The following R3HDM1 variants were observed in gnomAD, a reference collection of about 807,000 sequenced individuals.
R3HDM1 encodes R3H domain-containing protein 1.
A neutral mutation model predicts 141.1 loss-of-function variants in R3HDM1; 46 were observed. The ratio of observed to expected loss-of-function variants is 0.33; its 90% confidence interval spans 0.26 to 0.42. The LOEUF is 0.42. Ranked by LOEUF, R3HDM1 falls within the 10% of genes least tolerant of loss-of-function variation. R3HDM1 has a pLI of 1.00. For synonymous variants in R3HDM1, 435 were observed against 472.9 expected, an observed-to-expected ratio of 0.92 and a Z score of 1.04; for missense variants, 1,184 against 1,368.3, an observed-to-expected ratio of 0.87 and a Z score of 2.12.
At chr2:135,692,032 A>G (rs1458615131) in intron 21 of R3HDM1, among the ~76,000 whole-genome samples, 1 of 151,396 alleles carries the variant, frequency 6.6e-6, no homozygotes, top group Non-Finnish European at 1.5e-5. Context: ...CCTGCCTCAG[A>G]CTCCCAAGTA....
Position 135,531,505 on chromosome 2 carries a change from G to C in R3HDM1, c.-378G>C. The C allele has an allele frequency of 1.0e-6, 1 of 985,746 alleles. No individual in the cohort carries two copies. Among genetic ancestry groups the C allele is most frequent in the Non-Finnish European group, 1.2e-6 (1 of 829,956 alleles). 61.1% of individuals were successfully genotyped at this position (985,746 alleles called of 1,614,324 possible). ...CGGGATTCTGCCAGCCGCGGCTGCC[G>C]CTGGAGCCGGTGTCCGGGCTGGTGA... is the stretch of plus-strand genomic sequence containing the variant. On this transcript the variant is annotated 5_prime_UTR_variant, in exon 1 of 27. Transcript: ENST00000683871.
At chr2:135,586,870 C>T (rs1051101297) in intron 1 of R3HDM1, 2 of 985,234 alleles carry the variant, frequency 2.0e-6, no homozygotes, top group East Asian at 2.3e-4. Context: ...TCAAGTTCAT[C>T]TTAAAATAGA....
At chr2:135,650,920 A>G (rs1023002694) in intron 17 of R3HDM1, 14 of 985,266 alleles carry the variant, frequency 1.4e-5, no homozygotes, top group Non-Finnish European at 1.7e-5. Context: ...TTTTATTGCC[A>G]GTCTGTGGTT....
chr2:135,651,606 T>G, intron 17 of R3HDM1, 124 bp from the exon 18 acceptor site: 1 of 1,329,782 alleles, frequency 7.5e-7, no homozygotes, highest in Non-Finnish European at 9.7e-7. Flanking sequence ...ATTGCTGTTG[T>G]TGATATATAT....
At chr2:135,678,867 C>T (rs185011959) in intron 20 of R3HDM1, among the ~76,000 whole-genome samples, 18 of 142,886 alleles carry the variant, frequency 1.3e-4, no homozygotes, top group African/African-American at 3.9e-4. Context: ...TCAAGCAATT[C>T]TTGTGCCTCA....
chr2:135,622,160 T>C (rs2061572094), intron 6 of R3HDM1: 1 of 984,776 alleles, frequency 1.0e-6, no homozygotes, highest in Non-Finnish European at 1.2e-6. Context: ...AAAAGTATTT[T>C]GAAAGCAAGC....
At chr2:135,701,241 A>C (rs969002575) in intron 21 of R3HDM1, among the ~76,000 whole-genome samples, 2 of 151,258 alleles carry the variant, frequency 1.3e-5, no homozygotes, top group Non-Finnish European at 3.0e-5. Flanking sequence ...AAAAAAAAAA[A>C]AAACTATAAA....
chr2:135,678,283 A>G (rs187953355), intron 20 of R3HDM1, among the ~76,000 whole-genome samples: 1 of 152,004 alleles, frequency 6.6e-6, no homozygotes, highest in Non-Finnish European at 1.5e-5. Context: ...CTTTTAAATC[A>G]TAGAGCCAGG....
chr2:135,688,313 G>A (rs2071721667), intron 21 of R3HDM1, among the ~76,000 whole-genome samples: 1 of 152,162 alleles, frequency 6.6e-6, no homozygotes, highest in Admixed American at 6.5e-5. Context: ...CAACAATACA[G>A]TACATCCAGA....
intron 6 of R3HDM1, 191 bp from the exon 7 acceptor site, chr2:135,622,463 T>G: frequency 1.2e-5 from 12 of 983,872 alleles, no homozygotes; most frequent in Non-Finnish European, 1.4e-5. Flanking sequence ...TATAAACTCA[T>G]GTCATGCACA....
At chr2:135,692,303 T>C (rs1250783316) in intron 21 of R3HDM1, among the ~76,000 whole-genome samples, 2 of 152,160 alleles carry the variant, frequency 1.3e-5, no homozygotes, top group Non-Finnish European at 2.9e-5. Flanking sequence ...GCTTGTCTTA[T>C]TAAACATTAT....
rs980437053 is a variant in R3HDM1, at chr2:135,577,243, A to G, written c.-249-25257A>G. On this transcript the variant is annotated intron_variant, in intron 1 of 26. Transcript: ENST00000683871. ...AATAAGAAAATTTTACATGGCAAAAACCGACATGAAAAAAAGTCAAAAACA... is the reference window on the plus strand; with the variant it reads ...AATAAGAAAATTTTACATGGCAAAAGCCGACATGAAAAAAAGTCAAAAACA... 6.1e-6 allele frequency: 6 copies of G among 977,156 alleles called. No individual in the cohort carries two copies. In the African/African-American group the frequency reaches 1.1e-4, roughly 17 times the overall value. 60.5% of individuals were successfully genotyped at this position (977,156 alleles called of 1,614,324 possible). A position where few individuals can be genotyped will look rare whatever the true frequency, so the allele number is the denominator to read the frequency against.
At chr2:135,621,435 G>T (rs2061502788) in intron 5 of R3HDM1, 59 bp from the exon 6 acceptor site, 1 of 1,013,264 alleles carries the variant, frequency 9.9e-7, no homozygotes. Context: ...ATATAAATGT[G>T]TGGTATTAAA....
intron 1 of R3HDM1, among the ~76,000 whole-genome samples, chr2:135,555,340 G>A (rs546448282): frequency 6.6e-6 from 1 of 151,082 alleles, no homozygotes; most frequent in East Asian, 1.9e-4. Flanking sequence ...CTGTCCTGAC[G>A]GAAATACAAA....
At chr2:135,709,573 A>T in intron 22 of R3HDM1, 37 bp downstream of exon 22, 1 of 1,605,362 alleles carries the variant, frequency 6.2e-7, no homozygotes, top group Non-Finnish European at 8.5e-7. Context: ...TGATTGGTTC[A>T]TATGAGAAAT....
At chr2:135,610,786 C>A (rs1433300341) in intron 3 of R3HDM1, among the ~76,000 whole-genome samples, 1 of 152,050 alleles carries the variant, frequency 6.6e-6, no homozygotes, top group South Asian at 2.1e-4. Flanking sequence ...AAATAATAAT[C>A]TTAGCTATTT....
chr2:135,695,707 T>C (rs1303120404), intron 21 of R3HDM1, among the ~76,000 whole-genome samples: 1 of 151,450 alleles, frequency 6.6e-6, no homozygotes, highest in Non-Finnish European at 1.5e-5. Context: ...AGCAACATCT[T>C]TATTTGAAGA....
At chr2:135,596,744 G>A (rs182866085) in intron 1 of R3HDM1, among the ~76,000 whole-genome samples, 16 of 152,066 alleles carry the variant, frequency 1.1e-4, no homozygotes, top group African/African-American at 2.7e-4. Context: ...TCATGGTATC[G>A]TGCAACATGA....
chr2:135,624,645 TACTG>T (rs1025982138), intron 7 of R3HDM1, among the ~76,000 whole-genome samples: 108 of 152,224 alleles, frequency 7.1e-4, no homozygotes, highest in African/African-American at 2.4e-3. Context: ...AGTCGAGAAA[TACTG>T]ACTATGGCAT....
Sources: allele counts gnomAD v4.1 joint callset (sites outside exome capture counted in the v4.1 genomes callset), GRCh38; gene constraint gnomAD v4.1.1; transcripts MANE v1.5; gene names NCBI Gene and HGNC (gene_info 2026-07-23, HGNC 2026-07-21).